The following DTWD2 variants were observed in gnomAD, a reference collection of about 807,000 sequenced individuals.
DTWD2 encodes the protein tRNA-uridine aminocarboxypropyltransferase 2.
In DTWD2, 39 loss-of-function variants were observed where a neutral mutation model predicts 31.8. The ratio of observed to expected loss-of-function variants is 1.22; its 90% confidence interval spans 0.95 to 1.60. The LOEUF is 1.60. Ranked by LOEUF, DTWD2 falls within the 40% of genes most tolerant of loss-of-function variation. DTWD2 has a pLI of 0.00. For synonymous variants in DTWD2, 180 were observed against 142.8 expected (o/e 1.26, Z -1.86); for missense variants, 515 against 381.5 (o/e 1.35, Z -2.92).
chr5:118,957,317 G>C (rs1754609061), intron 1 of DTWD2, among the ~76,000 whole-genome samples: 1 of 151,966 alleles, frequency 6.6e-6, no homozygotes, highest in Non-Finnish European at 1.5e-5. Context: ...CACATCCCGG[G>C]TACAAGCAAT....
At chr5:118,965,115 G>A (rs545425819) in intron 1 of DTWD2, among the ~76,000 whole-genome samples, 91 of 139,758 alleles carry the variant, frequency 6.5e-4, no homozygotes, top group African/African-American at 2.1e-3. Flanking sequence ...GGTGAGGAGC[G>A]TCTCTGCCCA....
chr5:118,905,782 C>A (rs989440117), intron 4 of DTWD2, among the ~76,000 whole-genome samples: 7 of 152,018 alleles, frequency 4.6e-5, no homozygotes. Flanking sequence ...CTCTTCCCAC[C>A]CTTCATGCAT....
chr5:118,917,110 A>G (rs1459575984), intron 4 of DTWD2, among the ~76,000 whole-genome samples: 1 of 152,244 alleles, frequency 6.6e-6, no homozygotes, highest in East Asian at 1.9e-4. Context: ...AGATGCTTAT[A>G]ATTTGACTAC....
chr5:118,911,897 T>C (rs1171350176), intron 4 of DTWD2, among the ~76,000 whole-genome samples: 1 of 152,222 alleles, frequency 6.6e-6, no homozygotes, highest in Non-Finnish European at 1.5e-5. Flanking sequence ...GGGGCATATG[T>C]GTGGGTGTGC....
At chr5:118,912,759 C>T (rs1215278249) in intron 4 of DTWD2, among the ~76,000 whole-genome samples, 1 of 152,006 alleles carries the variant, frequency 6.6e-6, no homozygotes, top group African/African-American at 2.4e-5. Context: ...GTCTTTTTCC[C>T]CAGCTTACTA....
intron 1 of DTWD2, among the ~76,000 whole-genome samples, chr5:118,945,173 G>T (rs1754303599): frequency 6.6e-6 from 1 of 152,116 alleles, no homozygotes; most frequent in Non-Finnish European, 1.5e-5. Context: ...ATTATATTTG[G>T]CTAGAATTAT....
intron 4 of DTWD2, among the ~76,000 whole-genome samples, chr5:118,899,887 C>T (rs573164063): frequency 1.3e-3 from 198 of 150,998 alleles, no homozygotes; most frequent in African/African-American, 4.4e-3. Context: ...CTGCAACCTC[C>T]GCCTCTCGGG....
chr5:118,861,362 A>G (rs1031321619), intron 4 of DTWD2, among the ~76,000 whole-genome samples: 1 of 152,222 alleles, frequency 6.6e-6, no homozygotes, highest in Non-Finnish European at 1.5e-5. Context: ...GGCTTCATCT[A>G]CCCATTTCAA....
chr5:118,945,844 A>C (rs902506751), intron 1 of DTWD2, among the ~76,000 whole-genome samples: 1 of 152,048 alleles, frequency 6.6e-6, no homozygotes, highest in African/African-American at 2.4e-5. Flanking sequence ...CAGATATGGG[A>C]GTAAATTTTT....
intron 1 of DTWD2, among the ~76,000 whole-genome samples, chr5:118,952,024 GGGAA>G (rs1168382261): frequency 6.6e-6 from 1 of 152,200 alleles, no homozygotes; most frequent in Non-Finnish European, 1.5e-5. Flanking sequence ...CTGAAATTAA[GGGAA>G]GGGAGAGATT....
intron 4 of DTWD2, among the ~76,000 whole-genome samples, chr5:118,909,074 T>C (rs1411327573): frequency 6.6e-6 from 1 of 152,102 alleles, no homozygotes; most frequent in African/African-American, 2.4e-5. Flanking sequence ...AGAGAAAAGA[T>C]TAAGGTAAGC....
chr5:118,909,692 G>C (rs1376189288), intron 4 of DTWD2, among the ~76,000 whole-genome samples: 1 of 152,200 alleles, frequency 6.6e-6, no homozygotes, highest in East Asian at 1.9e-4. Flanking sequence ...CATAAGCACA[G>C]ATAAGAGTCC....
chr5:118,840,286 G>C lies in DTWD2; in HGVS notation c.*631C>G, dbSNP rs1182029573. 1.3e-5 allele frequency: 2 copies of C among 152,104 alleles called. No homozygotes were observed. Among genetic ancestry groups the C allele is most frequent in the East Asian group, 3.9e-4 (2 of 5,190 alleles). 9.4% of individuals were successfully genotyped at this position (152,104 alleles called of 1,614,324 possible). On this transcript the variant is annotated 3_prime_UTR_variant, in exon 6 of 6. Coordinates refer to ENST00000510708, the MANE Select transcript of DTWD2 (RefSeq NM_173666.4). Reference sequence around the variant, plus strand: ...ACACTGAAAAATACAAATTTATCCAGAGTGATTACAAATGAAAATGTGTGC... The same window carrying C: ...ACACTGAAAAATACAAATTTATCCACAGTGATTACAAATGAAAATGTGTGC...
chr5:118,871,814 A>G (rs1405265283), intron 4 of DTWD2, among the ~76,000 whole-genome samples: 1 of 152,172 alleles, frequency 6.6e-6, no homozygotes, highest in Non-Finnish European at 1.5e-5. Flanking sequence ...CAGCTGCATT[A>G]TCCCCTAACA....
intron 4 of DTWD2, among the ~76,000 whole-genome samples, chr5:118,869,961 G>A (rs765788229): frequency 2.8e-4 from 43 of 152,134 alleles, no homozygotes; most frequent in Admixed American, 7.9e-4. Context: ...CTTTATCACC[G>A]CTTCACACAA....
chr5:118,929,923 G>A (rs925240838), intron 3 of DTWD2, among the ~76,000 whole-genome samples: 1 of 152,108 alleles, frequency 6.6e-6, no homozygotes, highest in Non-Finnish European at 1.5e-5. Flanking sequence ...GGTTTCATCT[G>A]CATAACAAGA....
At chr5:118,900,655 G>A (rs143900865) in intron 4 of DTWD2, among the ~76,000 whole-genome samples, 1 of 152,192 alleles carries the variant, frequency 6.6e-6, no homozygotes, top group African/African-American at 2.4e-5. Flanking sequence ...GGCCAGGCGG[G>A]GTGGCTCACG....
chr5:118,857,589 A>G (rs985393063), intron 4 of DTWD2, among the ~76,000 whole-genome samples: 2 of 152,126 alleles, frequency 1.3e-5, no homozygotes, highest in Admixed American at 1.3e-4. Context: ...CTTTCACTCT[A>G]CTGTCTTTTG....
At chr5:118,930,038 G>C (rs1753888660) in intron 3 of DTWD2, among the ~76,000 whole-genome samples, 1 of 152,128 alleles carries the variant, frequency 6.6e-6, no homozygotes, top group South Asian at 2.1e-4. Flanking sequence ...TAAACCTCAA[G>C]ATGACATAAA....
Sources: allele counts gnomAD v4.1 joint callset (sites outside exome capture counted in the v4.1 genomes callset), GRCh38; gene constraint gnomAD v4.1.1; transcripts MANE v1.5; gene names NCBI Gene and HGNC (gene_info 2026-07-23, HGNC 2026-07-21).